MICAL3: variants seen among roughly 807,000 people sequenced by gnomAD.
The protein encoded by MICAL3 is [F-actin]-monooxygenase MICAL3.
Under a neutral mutation model 207.4 loss-of-function variants are expected in MICAL3, and 62 were observed. The observed-to-expected ratio is 0.30, with a 90% CI of 0.24 to 0.37. The LOEUF (loss-of-function observed/expected upper bound fraction) is 0.37, where lower values mean the gene tolerates loss of function less well. MICAL3 is among the 10% of genes least tolerant of loss of function. The pLI is 1.00. For missense variants in MICAL3, 2,368 were observed against 2,635.6 expected, an observed-to-expected ratio of 0.90 and a Z score of 2.22; for synonymous variants, 1,077 against 1,069.3, an observed-to-expected ratio of 1.01 and a Z score of -0.14.
At chr22:17,836,240 G>A (rs752377546) in intron 20 of MICAL3, among the ~76,000 whole-genome samples, 24 of 152,352 alleles carry the variant, frequency 1.6e-4, no homozygotes, top group Middle Eastern at 3.4e-3. Flanking sequence ...GGGCGGATCC[G>A]AGGATGACAG....
intron 19 of MICAL3, among the ~76,000 whole-genome samples, chr22:17,846,725 G>C (rs1924669624): frequency 6.6e-6 from 1 of 152,220 alleles, no homozygotes; most frequent in African/African-American, 2.4e-5. Flanking sequence ...TGCAACAACA[G>C]CCCAACAGGG....
chr22:17,947,667 T>C (rs1466681133), intron 1 of MICAL3, among the ~76,000 whole-genome samples: 2 of 152,162 alleles, frequency 1.3e-5, no homozygotes, highest in Non-Finnish European at 2.9e-5. Context: ...CAAGTGATCC[T>C]CCCACGTCAG....
intron 5 of MICAL3, 105 bp from the exon 6 acceptor site, chr22:17,901,102 T>C: frequency 9.3e-7 from 1 of 1,072,306 alleles, no homozygotes; most frequent in Non-Finnish European, 1.4e-6. Context: ...AAGTCAGGGA[T>C]GAGAACTGAT....
In MICAL3 at chr22:17,871,846, TGTC is replaced by T; in HGVS notation, c.2416_2418del (p.Asp806del). Reference sequence around the variant, plus strand: ...GCGCAGGGTGTCTCACCATCCTCGATGTCGTAGGCGTAGGCCGAGAGGCGCAGG... The same window carrying T: ...GCGCAGGGTGTCTCACCATCCTCGATGTAGGCGTAGGCCGAGAGGCGCAGG... On this transcript the variant is annotated inframe_deletion, in exon 17 of 32. Transcript: ENST00000441493. 6.2e-7 allele frequency: 1 copy of T among 1,605,242 alleles called. No individual in the cohort carries two copies. Among genetic ancestry groups the T allele is most frequent in the South Asian group, 1.1e-5 (1 of 88,870 alleles).
In MICAL3 at chr22:17,827,793, G is replaced by T; in HGVS notation, c.3056-12C>A. 2 of 1,538,328 alleles carry T rather than the reference G, an allele frequency of 1.3e-6. No homozygotes were observed. Among genetic ancestry groups the T allele is most frequent in the Non-Finnish European group, 1.8e-6 (2 of 1,138,950 alleles). The stretch of plus-strand genomic sequence containing the variant: ...CCTCTGGTTCCCGGCTAGTGTCCCA[G>T]GGTCAAGGGGTGGAGAAATGAGGTG... On this transcript the variant is annotated splice_polypyrimidine_tract_variant and intron_variant, in intron 21 of 31. Transcript: ENST00000441493.
chr22:17,967,975 G>A (rs1020959675), intron 1 of MICAL3, among the ~76,000 whole-genome samples: 4 of 152,020 alleles, frequency 2.6e-5, no homozygotes, highest in African/African-American at 7.3e-5. Flanking sequence ...CCTGGGAGGC[G>A]GAGGTTGCAG....
intron 1 of MICAL3, among the ~76,000 whole-genome samples, chr22:17,996,559 AAAACAGC>A (rs1463833273): frequency 2.6e-5 from 4 of 152,178 alleles, no homozygotes; most frequent in Non-Finnish European, 5.9e-5. Flanking sequence ...CACCTCCAAG[AAAACAGC>A]AAGTCACGTA....
At chr22:17,885,649 T>A (rs1457264847) in intron 16 of MICAL3, among the ~76,000 whole-genome samples, 2 of 152,178 alleles carry the variant, frequency 1.3e-5, no homozygotes, top group Non-Finnish European at 2.9e-5. Flanking sequence ...CCTCTGCTGA[T>A]TCTTGTCAGT....
intron 1 of MICAL3, among the ~76,000 whole-genome samples, chr22:17,908,788 A>C (rs532350652): frequency 5.7e-4 from 87 of 152,278 alleles, no homozygotes; most frequent in African/African-American, 1.8e-3. Flanking sequence ...CAGACAGAGG[A>C]AGGGAGTGGT....
At chr22:18,003,811 C>T (rs1258302825) in intron 1 of MICAL3, among the ~76,000 whole-genome samples, 1 of 151,730 alleles carries the variant, frequency 6.6e-6, no homozygotes, top group African/African-American at 2.4e-5. Context: ...CGCTGTGTTG[C>T]AAGTCTGGAG....
chr22:17,863,732 GCAC>G (rs765470972), intron 19 of MICAL3: 158 of 985,238 alleles, frequency 1.6e-4, no homozygotes, highest in Non-Finnish European at 1.8e-4. Context: ...CCCAGAATGA[GCAC>G]CACAAGGCCT....
chr22:17,823,198 CA>C (rs1921831809), intron 22 of MICAL3, 138 bp from the exon 23 acceptor site: 1 of 644,336 alleles, frequency 1.6e-6, no homozygotes, highest in Admixed American at 2.6e-5. Flanking sequence ...CTGCCAGGCC[CA>C]GGGGGCTCTC....
intron 1 of MICAL3, among the ~76,000 whole-genome samples, chr22:17,988,031 A>G (rs1162646880): frequency 6.6e-6 from 1 of 151,914 alleles, no homozygotes; most frequent in Non-Finnish European, 1.5e-5. Context: ...TGCCCAGAAC[A>G]CCCGAAGCCA....
rs1215741309 is a variant in MICAL3 at position 17,889,073 on chromosome 22, G to A, written c.1852C>T (p.Gln618Ter). 1 of 1,612,936 alleles carries A rather than the reference G, an allele frequency of 6.2e-7. No individual in the cohort carries two copies. Among genetic ancestry groups the A allele is most frequent in the Non-Finnish European group, 8.5e-7 (1 of 1,179,198 alleles). The part of the protein sequence containing the change: ...DKLSMVMYLT[Q>*]FYEMFKDSLP... ...GAGTCCTTAAACATCTCGTAGAACT[G>A]AGTCAGGTACATCACCATGGACAGC... Residue 618 changes from glutamine (Q) to a stop codon, truncating the protein, a stop_gained, in exon 13 of 32, where the codon CAG becomes TAG. Transcript: ENST00000441493. LOFTEE classifies it high-confidence loss of function.
chr22:17,886,988 C>CAAAAAAAAAAAAAAAAA (rs55999508), intron 15 of MICAL3, among the ~76,000 whole-genome samples, 182 bp downstream of exon 15: 12 of 41,350 alleles, frequency 2.9e-4, no homozygotes, highest in African/African-American at 3.1e-4. Flanking sequence ...ACTCTTGTCT[C>CAAAAAAAAAAAAAAAAA]AAAAAAAAAA....
chr22:17,820,793 A>G, intron 25 of MICAL3, among the ~76,000 whole-genome samples: 1 of 149,394 alleles, frequency 6.7e-6, no homozygotes, highest in Admixed American at 6.7e-5. Flanking sequence ...CAAATGTTTT[A>G]TACCATTTAT....
rs1402565893 is a variant in MICAL3 at position 17,896,160 on chromosome 22, G to A, written c.1322+86C>T. 4 of 675,566 alleles carry A rather than the reference G, an allele frequency of 5.9e-6. No homozygotes were observed. The Admixed American group carries it at 1.1e-4, about 19-fold the overall frequency. 41.8% of individuals were successfully genotyped at this position (675,566 alleles called of 1,614,324 possible). A position where few individuals can be genotyped will look rare whatever the true frequency, so the allele number is the denominator to read the frequency against. On this transcript the variant is annotated intron_variant, in intron 9 of 31. Transcript: ENST00000441493. ...AATTAAGAAGGCAGAGAAAGAAGAA[G>A]GAAGAACTTGCACTCTGCCTGAAGA...
At chr22:17,934,804 T>C (rs1933437995) in intron 1 of MICAL3, among the ~76,000 whole-genome samples, 1 of 152,158 alleles carries the variant, frequency 6.6e-6, no homozygotes, top group Admixed American at 6.5e-5. Context: ...AGCATTCTTA[T>C]ACACCAATAA....
At chr22:17,929,340 C>T (rs1023292790) in intron 1 of MICAL3, among the ~76,000 whole-genome samples, 7 of 149,402 alleles carry the variant, frequency 4.7e-5, no homozygotes, top group African/African-American at 1.7e-4. Context: ...TGGCTTCAAG[C>T]AATCCTCCTG....
Sources: allele counts gnomAD v4.1 joint callset (sites outside exome capture counted in the v4.1 genomes callset), GRCh38; gene constraint gnomAD v4.1.1; transcripts MANE v1.5; gene names NCBI Gene and HGNC (gene_info 2026-07-23, HGNC 2026-07-21).